The following ZNF485 variants were observed in gnomAD, a reference collection of about 807,000 sequenced individuals.
ZNF485 encodes zinc finger protein 485.
In ZNF485, 9 loss-of-function variants were observed where a neutral mutation model predicts 10.8. The observed-to-expected ratio is 0.83, with a 90% CI of 0.50 to 1.45. The LOEUF is 1.45. Ranked by LOEUF, ZNF485 falls within the 40% of genes most tolerant of loss-of-function variation. The pLI is 0.00. For missense variants in ZNF485, 487 were observed against 528.0 expected, an observed-to-expected ratio of 0.92 and a Z score of 0.76; for synonymous variants, 187 against 181.0, an observed-to-expected ratio of 1.03 and a Z score of -0.27.
rs535453673 is a variant in ZNF485, at chr10:43,617,859, A to C, written c.*490A>C. Reference sequence around the variant, plus strand: ...GCAAGTTTCAGGAAATCTATATTATATGCATTCAAAAAGACCTGGACAAAT... The same window carrying C: ...GCAAGTTTCAGGAAATCTATATTATCTGCATTCAAAAAGACCTGGACAAAT... On this transcript the variant is annotated 3_prime_UTR_variant, in exon 5 of 5. Coordinates refer to ENST00000361807, the MANE Select transcript of ZNF485 (RefSeq NM_145312.4). The C allele has an allele frequency of 6.6e-6, 1 of 152,450 alleles. No individual in the cohort carries two copies. The highest frequency in any genetic ancestry group is 1.5e-5 in the Non-Finnish European group (1 of 68,270). The allele number at this position is 152,450 out of a possible 1,614,324, so 9.4% of individuals were successfully genotyped here. A position where few individuals can be genotyped will look rare whatever the true frequency, so the allele number is the denominator to read the frequency against.
At chr10:43,614,372 C>A (rs1258438018) in intron 4 of ZNF485, among the ~76,000 whole-genome samples, 3 of 152,090 alleles carry the variant, frequency 2.0e-5, no homozygotes, top group African/African-American at 7.2e-5. Flanking sequence ...GCAGTTCTTC[C>A]TTTTTCTGGG....
chr10:43,608,413 G>C (rs908756976), intron 2 of ZNF485, among the ~76,000 whole-genome samples: 2 of 152,210 alleles, frequency 1.3e-5, no homozygotes, highest in African/African-American at 4.8e-5. Context: ...GCTAGGCCTG[G>C]AGGAGGGAGC....
intron 4 of ZNF485, among the ~76,000 whole-genome samples, chr10:43,613,437 C>T (rs574181929): frequency 1.3e-4 from 20 of 152,306 alleles, no homozygotes; most frequent in African/African-American, 4.1e-4. Context: ...AAAACTGTAG[C>T]GTGCCTCAGA....
Position 43,616,375 on chromosome 10 carries a change from G to T in ZNF485, c.332G>T (p.Ser111Ile). Reference protein sequence around the residue: ...EASVLGERTKSVMMEKGLDWE... With the variant: ...EASVLGERTKIVMMEKGLDWE... ...TCTGTTCTGGGAGAGCGAACGAAAA[G>T]TGTCATGATGGAAAAAGGCCTGGAC... is the stretch of plus-strand genomic sequence containing the variant. The change falls in exon 5 of 5, where the codon AGT becomes ATT. Residue 111 changes from serine (S) to isoleucine (I), a missense_variant. Coordinates refer to ENST00000361807, the MANE Select transcript of ZNF485 (RefSeq NM_145312.4). 1 of 1,614,112 alleles carries T rather than the reference G, an allele frequency of 6.2e-7. No individual in the cohort carries two copies. Among genetic ancestry groups the T allele is most frequent in the Non-Finnish European group, 8.5e-7 (1 of 1,180,018 alleles).
In ZNF485 at chr10:43,617,088, A is replaced by G; in HGVS notation, c.1045A>G (p.Ser349Gly). 3.1e-6 allele frequency: 5 copies of G among 1,614,232 alleles called. No homozygotes were observed. Among genetic ancestry groups the G allele is most frequent in the Non-Finnish European group, 4.2e-6 (5 of 1,180,034 alleles). The change falls in exon 5 of 5, where the codon AGT becomes GGT. Residue 349 changes from serine to glycine, a missense_variant. Coordinates refer to ENST00000361807, the MANE Select transcript of ZNF485 (RefSeq NM_145312.4). The stretch of plus-strand genomic sequence containing the variant: ...CTTTGCTGGTCATCAGAAAACTCAC[A>G]GTGGAAATAAACCGTATCAGTGTCG... The part of the protein sequence containing the change: ...SSFAGHQKTH[S>G]GNKPYQCRDC...
chr10:43,612,895 A>T (rs1213443225), intron 4 of ZNF485, among the ~76,000 whole-genome samples: 1 of 152,104 alleles, frequency 6.6e-6, no homozygotes, highest in Non-Finnish European at 1.5e-5. Flanking sequence ...CATTTTAGTT[A>T]TTCATTCATT....
chr10:43,612,319 T>C (rs575528650), intron 4 of ZNF485, among the ~76,000 whole-genome samples: 2 of 152,246 alleles, frequency 1.3e-5, no homozygotes, highest in Non-Finnish European at 2.9e-5. Flanking sequence ...ATTTACGTTT[T>C]CTTTTTCATC....
intron 4 of ZNF485, among the ~76,000 whole-genome samples, chr10:43,611,241 T>C (rs1184315636): frequency 6.6e-6 from 1 of 151,770 alleles, no homozygotes; most frequent in African/African-American, 2.4e-5. Context: ...ATTTTTAAAT[T>C]TTTTTTTGTA....
At chr10:43,608,790 G>A (rs577513250) in intron 3 of ZNF485, 50 bp downstream of exon 3, 64 of 1,594,716 alleles carry the variant, frequency 4.0e-5, no homozygotes, top group Non-Finnish European at 5.2e-5. Flanking sequence ...GGGCAACTTT[G>A]TGTTTTCACA....
In ZNF485 at chr10:43,608,725, A is replaced by T. The variant is rs1277745372; in HGVS notation, c.136A>T (p.Asn46Tyr). The T allele has an allele frequency of 6.2e-7, 1 of 1,613,932 alleles. No homozygotes were observed. Among genetic ancestry groups the T allele is most frequent in the Non-Finnish European group, 8.5e-7 (1 of 1,179,940 alleles). ...GGATGTGATGCTGGAGAACTATGGG[A>T]ATCTGGTGTCTGTGGGTGAGGATGG... ...YRDVMLENYG[N>Y]LVSVGLLSSK... Residue 46 changes from asparagine (N) to tyrosine (Y), a missense_variant, in exon 3 of 5, where the codon AAT becomes TAT. By Grantham distance (143) the Asn-to-Tyr change is moderately radical (BLOSUM62 -2). Coordinates refer to ENST00000361807, the MANE Select transcript of ZNF485 (RefSeq NM_145312.4).
intron 4 of ZNF485, among the ~76,000 whole-genome samples, chr10:43,615,994 T>C (rs946817716): frequency 3.5e-4 from 54 of 152,218 alleles, no homozygotes; most frequent in African/African-American, 1.3e-3. Context: ...ATTGTCTTTT[T>C]TCTTTTTTAG....
Position 43,606,530 on chromosome 10 carries a change from C to T in ZNF485, c.-71C>T. The T allele has an allele frequency of 3.1e-6, 1 of 321,828 alleles. No individual in the cohort carries two copies. The highest frequency in any genetic ancestry group is 3.2e-5 in the South Asian group (1 of 30,792). 19.9% of individuals were successfully genotyped at this position (321,828 alleles called of 1,614,324 possible). Reference sequence around the variant, plus strand: ...CTCTCTGGGCGTGCAGCTCCGCAGCCCTGCCGGCTCGGTTCGGTTCGTGAG... The same window carrying T: ...CTCTCTGGGCGTGCAGCTCCGCAGCTCTGCCGGCTCGGTTCGGTTCGTGAG... On this transcript the variant is annotated 5_prime_UTR_variant, in exon 1 of 5. Coordinates refer to ENST00000361807, the MANE Select transcript of ZNF485 (RefSeq NM_145312.4).
intron 3 of ZNF485, among the ~76,000 whole-genome samples, 156 bp downstream of exon 3, chr10:43,608,896 T>G (rs575312544): frequency 5.9e-5 from 9 of 152,276 alleles, no homozygotes; most frequent in Non-Finnish European, 1.3e-4. Flanking sequence ...TTTATGCCCC[T>G]TACACCCCTC....
intron 3 of ZNF485, 35 bp downstream of exon 3, chr10:43,608,775 C>G (rs775595745): frequency 6.2e-7 from 1 of 1,603,310 alleles, no homozygotes; most frequent in Non-Finnish European, 8.5e-7. Context: ...CAGGATTGGT[C>G]TGCTGGGCAA....
At chr10:43,607,144 G>A (rs1838666359) in intron 2 of ZNF485, 70 bp downstream of exon 2, 1 of 1,528,148 alleles carries the variant, frequency 6.5e-7, no homozygotes, top group South Asian at 1.2e-5. Flanking sequence ...CCTCTTGCCC[G>A]GACAATGCCC....
In ZNF485 at chr10:43,617,683, G is replaced by C; in HGVS notation, c.*314G>C. On this transcript the variant is annotated 3_prime_UTR_variant, in exon 5 of 5. Coordinates refer to ENST00000361807, the MANE Select transcript of ZNF485 (RefSeq NM_145312.4). ...CTGAGACAGGATTGCTTAAGCCCAGGAGTTTGAGTCTGTAATGCACTATGA... is the reference window on the plus strand; with the variant it reads ...CTGAGACAGGATTGCTTAAGCCCAGCAGTTTGAGTCTGTAATGCACTATGA... 1 of 232,514 alleles carries C rather than the reference G, an allele frequency of 4.3e-6. No individual in the cohort carries two copies. Among genetic ancestry groups the C allele is most frequent in the South Asian group, 1.1e-4 (1 of 9,138 alleles). 14.4% of individuals were successfully genotyped at this position (232,514 alleles called of 1,614,324 possible). A position where few individuals can be genotyped will look rare whatever the true frequency, so the allele number is the denominator to read the frequency against.
intron 4 of ZNF485, among the ~76,000 whole-genome samples, chr10:43,614,634 G>A (rs1279302794): frequency 6.6e-6 from 1 of 151,696 alleles, no homozygotes; most frequent in African/African-American, 2.4e-5. Flanking sequence ...TTTTGTCAGT[G>A]CTTTTTTGTG....
At chr10:43,609,021 G>A (rs1050701713) in intron 3 of ZNF485, among the ~76,000 whole-genome samples, 7 of 151,924 alleles carry the variant, frequency 4.6e-5, no homozygotes, top group African/African-American at 9.7e-5. Flanking sequence ...GGAGTTTCTC[G>A]TCCTCCAGGA....
chr10:43,615,327 TG>T (rs1259836601), intron 4 of ZNF485, among the ~76,000 whole-genome samples: 1 of 97,708 alleles, frequency 1.0e-5, no homozygotes, highest in Non-Finnish European at 2.0e-5. Flanking sequence ...CATTTCGCTC[TG>T]TCTGTCTTAG....
Sources: allele counts gnomAD v4.1 joint callset (sites outside exome capture counted in the v4.1 genomes callset), GRCh38; gene constraint gnomAD v4.1.1; transcripts MANE v1.5; gene names NCBI Gene and HGNC (gene_info 2026-07-23, HGNC 2026-07-21).